SLC37A1: variants seen among roughly 807,000 people sequenced by gnomAD.
SLC37A1 encodes the protein solute carrier family 37 member 1, also known as glucose-6-phosphate exchanger SLC37A1.
Under a neutral mutation model 75.3 loss-of-function variants are expected in SLC37A1, and 49 were observed. The observed-to-expected ratio is 0.65, with a 90% CI of 0.52 to 0.83. The LOEUF is 0.83. Ranked by LOEUF, SLC37A1 falls within the 40% of genes least tolerant of loss-of-function variation. The probability of loss-of-function intolerance (pLI) is 0.00; values close to 1 mark genes in which losing one functional copy is unlikely to be tolerated. For missense variants in SLC37A1, 566 were observed against 695.0 expected (o/e 0.81, Z 2.09); for synonymous variants, 268 against 292.1 (o/e 0.92, Z 0.84).
chr21:42,574,872 A>G lies in SLC37A1; in HGVS notation c.1478A>G (p.Asn493Ser), dbSNP rs1422056093. 1 of 1,613,956 alleles carries G rather than the reference A, an allele frequency of 6.2e-7. No homozygotes were observed. The highest frequency in any genetic ancestry group is 1.3e-5 in the African/African-American group (1 of 74,896). The change falls in exon 18 of 20, where the codon AAT becomes AGT. Residue 493 changes from asparagine to serine, a missense_variant. Transcript: ENST00000352133. The part of the protein sequence containing the change: ...AGLLSPSGWS[N>S]VFYMLMFADA... Reference sequence around the variant, plus strand: ...CTCCTCTCCCCGTCCGGCTGGAGCAATGTGTTTTACATGCTGATGTTTGCA... The same window carrying G: ...CTCCTCTCCCCGTCCGGCTGGAGCAGTGTGTTTTACATGCTGATGTTTGCA...
At chr21:42,509,062 A>G (rs1459891560), upstream of SLC37A1, among the ~76,000 whole-genome samples, 3 of 152,190 alleles carry the variant, frequency 2.0e-5, no homozygotes, top group Non-Finnish European at 2.9e-5. This position sits in a 1 kb window ranked among gnomAD's most constrained non-coding sequence, Gnocchi z 4.2. Context: ...TATCATGCCA[A>G]TAGTTTTAAA....
intron 18 of SLC37A1, among the ~76,000 whole-genome samples, chr21:42,576,275 A>C (rs1456812513): frequency 1.3e-5 from 2 of 152,058 alleles, no homozygotes; most frequent in Non-Finnish European, 2.9e-5. Flanking sequence ...AGACAATGGG[A>C]ATCTGCCCAT....
rs2054775725 is a variant in SLC37A1 at position 42,525,852 on chromosome 21, G to A, written c.133G>A (p.Val45Ile). 2 of 1,612,788 alleles carry A rather than the reference G, an allele frequency of 1.2e-6. No homozygotes were observed. The highest frequency in any genetic ancestry group is 1.1e-5 in the South Asian group (1 of 91,054). The part of the protein sequence containing the change: ...FHLSRKPISI[V>I]KGELHKYCTA... The stretch of plus-strand genomic sequence containing the variant: ...CTTATCTCGAAAGCCTATCAGCATA[G>A]TTAAGGTAAGAATCATGGAAAGCAC... Residue 45 changes from valine (V) to isoleucine (I), a missense_variant, in exon 3 of 20, where the codon GTT becomes ATT. By Grantham distance (29) the Val-to-Ile change is conservative. Transcript: ENST00000352133.
At chr21:42,530,654 A>ACACACACACACACACCCCCC (rs1161313598) in intron 3 of SLC37A1, among the ~76,000 whole-genome samples, 6 of 35,896 alleles carry the variant, frequency 1.7e-4, no homozygotes, top group Non-Finnish European at 2.6e-4. Flanking sequence ...ACACACACAC[A>ACACACACACACACACCCCCC]CCCCCTCTGT....
At chr21:42,550,795 A>G (rs2055538146) in intron 9 of SLC37A1, among the ~76,000 whole-genome samples, 1 of 152,248 alleles carries the variant, frequency 6.6e-6, no homozygotes, top group Non-Finnish European at 1.5e-5. Flanking sequence ...AATGTAATAC[A>G]CCATTTGAAT....
At chr21:42,531,245 T>C (rs2054970201) in intron 3 of SLC37A1, among the ~76,000 whole-genome samples, 1 of 152,306 alleles carries the variant, frequency 6.6e-6, no homozygotes, top group East Asian at 1.9e-4. Context: ...CTCGTCGCGC[T>C]GTGACTCCTG....
rs748624618 is a variant in SLC37A1 at position 42,567,047 on chromosome 21, T to C, written c.1333T>C (p.Ser445Pro). 8.1e-6 allele frequency: 13 copies of C among 1,609,322 alleles called. No individual in the cohort carries two copies. Among genetic ancestry groups the C allele is most frequent in the Non-Finnish European group, 1.1e-5 (13 of 1,179,874 alleles). ...CTACACACTCATCACCACCGCCGTC[T>C]CCGCCGACCTGGTGAGTAGAACCGG... is the stretch of plus-strand genomic sequence containing the variant. ...GPYTLITTAV[S>P]ADLGTHKSLK... The change falls in exon 16 of 20, where the codon TCC becomes CCC. Residue 445 changes from serine to proline, a missense_variant. Coordinates refer to ENST00000352133, the MANE Select transcript of SLC37A1 (RefSeq NM_001320537.2).
intron 9 of SLC37A1, among the ~76,000 whole-genome samples, chr21:42,551,903 C>G (rs2055568716): frequency 6.6e-6 from 1 of 151,938 alleles, no homozygotes; most frequent in Middle Eastern, 3.4e-3. Context: ...TTTTTTCTAC[C>G]AAGTTTCCCA....
At chr21:42,561,683 A>C (rs1024011420) in intron 11 of SLC37A1, 10 of 194,164 alleles carry the variant, frequency 5.2e-5, no homozygotes, top group Non-Finnish European at 9.6e-5. Context: ...TGATGTAAAG[A>C]CACTGGGTTT....
Position 42,565,842 on chromosome 21 carries a change from A to G in SLC37A1, c.1237A>G (p.Thr413Ala), listed in dbSNP as rs1289681001. 2.5e-6 allele frequency: 4 copies of G among 1,613,878 alleles called. No homozygotes were observed. The highest frequency in any genetic ancestry group is 1.3e-5 in the African/African-American group (1 of 74,908). Residue 413 changes from threonine to alanine, a missense_variant, in exon 15 of 20, where the codon ACC (threonine) becomes GCC (alanine). Physicochemically the swap from Thr to Ala is moderately conservative, Grantham distance 58. Coordinates refer to ENST00000352133, the MANE Select transcript of SLC37A1 (RefSeq NM_001320537.2). ...LAAPTLYIFS[T>A]VSKMGLEATI... ...ATGTCCACAGCTCTACATCTTCTCC[A>G]CCGTCAGCAAGATGGGGCTTGAGGC...
intron 2 of SLC37A1, among the ~76,000 whole-genome samples, chr21:42,504,896 T>G (rs1681058873): frequency 6.6e-6 from 1 of 152,196 alleles, no homozygotes; most frequent in Non-Finnish European, 1.5e-5. Flanking sequence ...CTGAACATCA[T>G]CAATGTCAGG....
chr21:42,539,662 C>CTACA lies in SLC37A1; in HGVS notation c.486+15_486+16insTACA. The CTACA allele has an allele frequency of 6.2e-7, 1 of 1,606,048 alleles. No individual in the cohort carries two copies. Among genetic ancestry groups the CTACA allele is most frequent in the East Asian group, 2.3e-5 (1 of 44,296 alleles). On this transcript the variant is annotated intron_variant, in intron 6 of 19. Transcript: ENST00000352133. ...TGGTAACTCAGGTAAGGGTTTGGAT[C>CTACA]CGTGGCTCACCATGTACGGGGTTTC...
chr21:42,542,483 G>A lies in SLC37A1; in HGVS notation c.563+3G>A, dbSNP rs778255366. Reference sequence around the variant, plus strand: ...GGCAACTGGTTTGGAAAAGGAAGGTGAGAAAAAGCAGCCCTGTTTCCAATA... The same window carrying A: ...GGCAACTGGTTTGGAAAAGGAAGGTAAGAAAAAGCAGCCCTGTTTCCAATA... On this transcript the variant is annotated splice_donor_region_variant and intron_variant, in intron 7 of 19. Coordinates refer to ENST00000352133, the MANE Select transcript of SLC37A1 (RefSeq NM_001320537.2). 7 of 1,613,850 alleles carry A rather than the reference G, an allele frequency of 4.3e-6. No homozygotes were observed. The Admixed American group carries it at 1.0e-4, about 23-fold the overall frequency.
chr21:42,513,703 G>A (rs868796790), upstream of SLC37A1, among the ~76,000 whole-genome samples: 1 of 149,488 alleles, frequency 6.7e-6, no homozygotes, highest in South Asian at 2.1e-4. Context: ...CGGTGGCCCC[G>A]GGGCTGGTGC....
intron 2 of SLC37A1, among the ~76,000 whole-genome samples, chr21:42,522,426 C>T (rs1429179023): frequency 6.6e-6 from 1 of 152,160 alleles, no homozygotes; most frequent in Non-Finnish European, 1.5e-5. Flanking sequence ...GTCTGCCTAC[C>T]CAGAGGCCAG....
At position 42,542,270 on chromosome 21, in the gene SLC37A1, A is replaced by G. The variant is rs190742636; in HGVS notation, c.487-134A>G. 229 of 605,636 alleles carry G rather than the reference A, an allele frequency of 3.8e-4. 2 individuals are homozygous for G. The highest frequency in any genetic ancestry group is 1.4e-4 in the Non-Finnish European group (48 of 340,586). The allele number at this position is 605,636 out of a possible 1,614,324, so 37.5% of individuals were successfully genotyped here. A position where few individuals can be genotyped will look rare whatever the true frequency, so the allele number is the denominator to read the frequency against. ...TATGTAGTTTAAACTGTATATAAATATAAAATTGACAGTCCATCTCTGGCT... is the reference window on the plus strand; with the variant it reads ...TATGTAGTTTAAACTGTATATAAATGTAAAATTGACAGTCCATCTCTGGCT... On this transcript the variant is annotated intron_variant, in intron 6 of 19. Transcript: ENST00000352133.
intron 9 of SLC37A1, among the ~76,000 whole-genome samples, chr21:42,550,290 C>T (rs2055525231): frequency 1.3e-5 from 2 of 152,170 alleles, no homozygotes; most frequent in African/African-American, 4.8e-5. Context: ...GGCATTTCTG[C>T]CACATTTACT....
In SLC37A1 at chr21:42,580,594, G is replaced by A. The variant is rs1359112472; in HGVS notation, c.*234G>A. 4.6e-6 allele frequency: 2 copies of A among 439,354 alleles called. No individual in the cohort carries two copies. The highest frequency in any genetic ancestry group is 8.2e-6 in the Non-Finnish European group (2 of 243,194). 27.2% of individuals were successfully genotyped at this position (439,354 alleles called of 1,614,324 possible). A position where few individuals can be genotyped will look rare whatever the true frequency, so the allele number is the denominator to read the frequency against. ...AGGAACTGCTGCCTGAGCCAAGCCA[G>A]AGAACCGAAGACCCGGCCGGCCCTG... is the stretch of plus-strand genomic sequence containing the variant. On this transcript the variant is annotated 3_prime_UTR_variant, in exon 20 of 20. Transcript: ENST00000352133.
At position 42,564,737 on chromosome 21, in the gene SLC37A1, C is replaced by T. The variant is rs1290280623; in HGVS notation, c.1165C>T (p.Arg389Ter). The T allele has an allele frequency of 9.3e-6, 15 of 1,610,658 alleles. No homozygotes were observed. Among genetic ancestry groups the T allele is most frequent in the African/African-American group, 2.7e-5 (2 of 74,930 alleles). ...GGILAGVISD[R>*]LEKRASTCGL... ...GATCCTGGCAGGTGTGATCTCAGAC[C>T]GACTGGAGAAAAGGGCCTCCACCTG... Residue 389 changes from arginine (R) to a stop codon, truncating the protein, a stop_gained, in exon 14 of 20, where the codon CGA becomes TGA. Coordinates refer to ENST00000352133, the MANE Select transcript of SLC37A1 (RefSeq NM_001320537.2). LOFTEE classifies it high-confidence loss of function.
Sources: allele counts gnomAD v4.1 joint callset (sites outside exome capture counted in the v4.1 genomes callset), GRCh38; gene constraint gnomAD v4.1.1; non-coding constraint Gnocchi (gnomAD v3.1); transcripts MANE v1.5; gene names NCBI Gene and HGNC (gene_info 2026-07-23, HGNC 2026-07-21).